HDLBP: variants seen among roughly 807,000 people sequenced by gnomAD.
The protein encoded by HDLBP is high density lipoprotein binding protein.
Under a neutral mutation model 137.3 loss-of-function variants are expected in HDLBP, and 30 were observed. The observed-to-expected ratio is 0.22, with a 90% confidence interval of 0.16 to 0.30. HDLBP has a LOEUF of 0.30. Among genes scored for constraint, HDLBP ranks in the 10% least tolerant of loss-of-function variants. HDLBP has a pLI of 1.00. For synonymous variants in HDLBP, 606 were observed against 596.0 expected (o/e 1.02, Z -0.24); for missense variants, 1,119 against 1,667.3 (o/e 0.67, Z 5.73).
At chr2:241,247,026 A>G (rs374065971) in intron 15 of HDLBP, 30 bp downstream of exon 15, 14 of 1,587,062 alleles carry the variant, frequency 8.8e-6, no homozygotes, top group Non-Finnish European at 1.1e-5. Flanking sequence ...CAAGGCAAGA[A>G]GAAGCAAGAT....
chr2:241,278,727 TA>T (rs1177711312), intron 1 of HDLBP, among the ~76,000 whole-genome samples: 1 of 152,114 alleles, frequency 6.6e-6, no homozygotes, highest in Non-Finnish European at 1.5e-5. Context: ...TCACAGACAA[TA>T]TAACTGTGCT....
intron 1 of HDLBP, among the ~76,000 whole-genome samples, chr2:241,313,946 T>C (rs566996489): frequency 1.3e-5 from 2 of 152,150 alleles, no homozygotes; most frequent in Non-Finnish European, 2.9e-5. Flanking sequence ...GCTAAGTCCC[T>C]TCAACAGTGC....
intron 17 of HDLBP, among the ~76,000 whole-genome samples, chr2:241,241,221 G>A (rs1052541539): frequency 6.6e-6 from 1 of 152,138 alleles, no homozygotes; most frequent in Non-Finnish European, 1.5e-5. Flanking sequence ...CCAGATTAGA[G>A]AGAAATGTAA....
In HDLBP at chr2:241,272,117, A is replaced by G. The variant is rs930313062; in HGVS notation, c.-102-3576T>C. 2 of 884,436 alleles carry G rather than the reference A, an allele frequency of 2.3e-6. No individual in the cohort carries two copies. Among genetic ancestry groups the G allele is most frequent in the Non-Finnish European group, 2.7e-6 (2 of 737,558 alleles). The allele number at this position is 884,436 out of a possible 1,614,324, so 54.8% of individuals were successfully genotyped here. A position where few individuals can be genotyped will look rare whatever the true frequency, so the allele number is the denominator to read the frequency against. ...CATCCACGACCCTGGGGCACGTCCAAGTTGCACTCCAGGCCCAAGAAGAGC... is the reference window on the plus strand; with the variant it reads ...CATCCACGACCCTGGGGCACGTCCAGGTTGCACTCCAGGCCCAAGAAGAGC... On this transcript the variant is annotated intron_variant, in intron 1 of 27. Transcript: ENST00000310931. This position sits in a 1 kb window ranked among gnomAD's most constrained non-coding sequence, Gnocchi z 5.6.
intron 20 of HDLBP, 131 bp from the exon 21 acceptor site, chr2:241,236,900 C>G (rs1458212639): frequency 2.4e-6 from 2 of 816,362 alleles, no homozygotes; most frequent in Non-Finnish European, 1.9e-6. Context: ...CACTCCTGTC[C>G]TTCAGGAGGT....
chr2:241,246,146 A>G (rs554477475), intron 16 of HDLBP, among the ~76,000 whole-genome samples: 9 of 152,296 alleles, frequency 5.9e-5, no homozygotes, highest in African/African-American at 1.9e-4. Context: ...ATATCCTGCA[A>G]AGTGAAAGCA....
rs562027444 is a variant in HDLBP at position 241,306,501 on chromosome 2, T to C, written c.-103+9069A>G. Among the ~76,000 whole-genome samples the C allele has an allele frequency of 8.5e-3, 1,284 of 151,460 alleles. 23 individuals carry two copies. Among genetic ancestry groups the C allele is most frequent in the African/African-American group, 0.029 (1,209 of 41,354 alleles). ...CTCGAACTCCTGACCTCAGGTGATCTGCCCGCCTCAGCCTCCCAAAGTGCT... is the reference window on the plus strand; with the variant it reads ...CTCGAACTCCTGACCTCAGGTGATCCGCCCGCCTCAGCCTCCCAAAGTGCT... On this transcript the variant is annotated intron_variant, in intron 1 of 27. Transcript: ENST00000310931.
chr2:241,279,555 C>T (rs1041693992), intron 1 of HDLBP, among the ~76,000 whole-genome samples: 1 of 152,076 alleles, frequency 6.6e-6, no homozygotes, highest in Admixed American at 6.6e-5. Flanking sequence ...GCAGAGTGGG[C>T]CCAACGCAGA....
At chr2:241,249,560 C>T (rs550615368) in intron 12 of HDLBP, among the ~76,000 whole-genome samples, 2 of 152,286 alleles carry the variant, frequency 1.3e-5, no homozygotes, top group Non-Finnish European at 2.9e-5. Flanking sequence ...GGAGATGGTA[C>T]CCAGGCATCT....
rs2069671555 is a variant in HDLBP at position 241,230,975 on chromosome 2, G to C, written c.3289-31C>G. On this transcript the variant is annotated intron_variant, in intron 24 of 27. Transcript: ENST00000310931. This position sits in a 1 kb window ranked among gnomAD's most constrained non-coding sequence, Gnocchi z 5.0. ...AAAGGAGAATGTAGTCAGAAAAGGGGATGCCTTACTGGGATTCCCGTCAGG... is the reference window on the plus strand; with the variant it reads ...AAAGGAGAATGTAGTCAGAAAAGGGCATGCCTTACTGGGATTCCCGTCAGG... 1 of 1,588,070 alleles carries C rather than the reference G, an allele frequency of 6.3e-7. No individual in the cohort carries two copies. The highest frequency in any genetic ancestry group is 1.3e-5 in the African/African-American group (1 of 74,394).
intron 24 of HDLBP, among the ~76,000 whole-genome samples, chr2:241,232,262 T>A (rs1463948275): frequency 2.0e-5 from 3 of 151,024 alleles, no homozygotes; most frequent in Non-Finnish European, 4.4e-5. Flanking sequence ...ATAGTCTAAT[T>A]GCTAAACAAT....
intron 3 of HDLBP, among the ~76,000 whole-genome samples, chr2:241,266,180 A>T (rs769934634): frequency 3.9e-5 from 6 of 152,246 alleles, no homozygotes; most frequent in Non-Finnish European, 7.3e-5. Flanking sequence ...GTAAATACAC[A>T]TCAGACTTCG....
chr2:241,239,970 G>A lies in HDLBP; in HGVS notation c.2322C>T (p.Ile774=). 6.2e-7 allele frequency: 1 copy of A among 1,614,218 alleles called. No homozygotes were observed. The highest frequency in any genetic ancestry group is 1.1e-5 in the South Asian group (1 of 91,078). Residue 774 remains isoleucine, a synonymous_variant, in exon 18 of 28, where the codon ATC becomes ATT. Coordinates refer to ENST00000310931, the MANE Select transcript of HDLBP (RefSeq NM_005336.6). The surrounding 1 kb of genome is among the most constrained non-coding windows in gnomAD (Gnocchi z 4.6). ...PAAEDKDQDL[I]TIIGKEDAVR... ...CGGCGTCCTCCTTTCCAATGATGGT[G>A]ATCAGGTCCTGGTCCTTGTCCTCAG...
In HDLBP at chr2:241,301,996, C is replaced by A. The variant is rs191162015; in HGVS notation, c.-103+13574G>T. On this transcript the variant is annotated intron_variant, in intron 1 of 27. Coordinates refer to ENST00000310931, the MANE Select transcript of HDLBP (RefSeq NM_005336.6). Reference sequence around the variant, plus strand: ...CTGTAATCCCAACACTTTGGGAGGCCGAGGTGGGAGGACTGCTTGAGGTCG... The same window carrying A: ...CTGTAATCCCAACACTTTGGGAGGCAGAGGTGGGAGGACTGCTTGAGGTCG... 2.7e-5 allele frequency among the ~76,000 whole-genome samples: 4 copies of A among 150,158 alleles called. No homozygotes were observed. The South Asian group carries it at 8.5e-4, about 32-fold the overall frequency.
chr2:241,257,060 C>G (rs368845498), intron 5 of HDLBP, among the ~76,000 whole-genome samples: 34 of 152,116 alleles, frequency 2.2e-4, no homozygotes, highest in African/African-American at 8.0e-4. Flanking sequence ...CAAAGGGAGA[C>G]AAGAGTTAAC....
At position 241,233,762 on chromosome 2, in the gene HDLBP, T is replaced by A. The variant is rs2070073281; in HGVS notation, c.3288+58A>T. 2 of 1,605,224 alleles carry A rather than the reference T, an allele frequency of 1.2e-6. No individual in the cohort carries two copies. Among genetic ancestry groups the A allele is most frequent in the African/African-American group, 2.7e-5 (2 of 74,732 alleles). On this transcript the variant is annotated intron_variant, in intron 24 of 27. Transcript: ENST00000310931. The surrounding 1 kb of genome is among the most constrained non-coding windows in gnomAD (Gnocchi z 4.3). ...GGCACATCTGGTTACTGCTCCCAAG[T>A]CACAGGAAAGGTCAACAAGCACCTC...
At chr2:241,285,458 C>A (rs1190274885) in intron 1 of HDLBP, among the ~76,000 whole-genome samples, 1 of 152,162 alleles carries the variant, frequency 6.6e-6, no homozygotes, top group Non-Finnish European at 1.5e-5. Flanking sequence ...CCTCCATAAA[C>A]GACCTGATGA....
intron 1 of HDLBP, among the ~76,000 whole-genome samples, chr2:241,314,400 G>C (rs985193459): frequency 6.6e-6 from 1 of 152,154 alleles, no homozygotes; most frequent in Non-Finnish European, 1.5e-5. Context: ...TATCTTAATA[G>C]GGTTTTAAGG....
In HDLBP at chr2:241,240,905, C is replaced by A. The variant is rs74000611; in HGVS notation, c.2170-783G>T. Among the ~76,000 whole-genome samples the A allele has an allele frequency of 5.8e-3, 878 of 152,206 alleles. 9 individuals are homozygous for A. Among genetic ancestry groups the A allele is most frequent in the African/African-American group, 0.02 (825 of 41,548 alleles). ...GCCTTTCTCCGGACCCAAGATCTGGCCCGCAAGCAAAAATACCAAAGAAAA... is the reference window on the plus strand; with the variant it reads ...GCCTTTCTCCGGACCCAAGATCTGGACCGCAAGCAAAAATACCAAAGAAAA... On this transcript the variant is annotated intron_variant, in intron 17 of 27. Transcript: ENST00000310931. This position sits in a 1 kb window ranked among gnomAD's most constrained non-coding sequence, Gnocchi z 5.5.
Sources: allele counts gnomAD v4.1 joint callset (sites outside exome capture counted in the v4.1 genomes callset), GRCh38; gene constraint gnomAD v4.1.1; non-coding constraint Gnocchi (gnomAD v3.1); transcripts MANE v1.5; gene names NCBI Gene and HGNC (gene_info 2026-07-23, HGNC 2026-07-21).